KALRN: variants seen among roughly 807,000 people sequenced by gnomAD.
The protein encoded by KALRN is kalirin.
A neutral mutation model predicts 353.7 loss-of-function variants in KALRN; 70 were observed. That is an observed-to-expected ratio of 0.20 (90% confidence interval 0.16 to 0.24). KALRN has a LOEUF of 0.24. Ranked by LOEUF, KALRN falls within the 10% of genes least tolerant of loss-of-function variation. The pLI, the probability that KALRN is intolerant of heterozygous loss-of-function variation, is 1.00. For missense variants in KALRN, 2,791 were observed against 3,756.7 expected, an observed-to-expected ratio of 0.74 and a Z score of 6.72; for synonymous variants, 1,391 against 1,434.8, an observed-to-expected ratio of 0.97 and a Z score of 0.69.
chr3:124,389,951 G>T (rs1280102104), intron 11 of KALRN, among the ~76,000 whole-genome samples: 1 of 152,054 alleles, frequency 6.6e-6, no homozygotes, highest in Non-Finnish European at 1.5e-5. Flanking sequence ...ATAGAGAAAA[G>T]CTACTTAAAA....
At chr3:124,245,720 G>A (rs1218527601) in intron 3 of KALRN, among the ~76,000 whole-genome samples, 2 of 151,834 alleles carry the variant, frequency 1.3e-5, no homozygotes, top group Non-Finnish European at 2.9e-5. Flanking sequence ...TAAATGAGGT[G>A]AGATGATATC....
At chr3:124,651,184 G>T (rs2083376913) in intron 38 of KALRN, among the ~76,000 whole-genome samples, 1 of 152,226 alleles carries the variant, frequency 6.6e-6, no homozygotes, top group Admixed American at 6.5e-5. Flanking sequence ...GTGGTTGTAG[G>T]TCTGTTAGAA....
chr3:124,137,672 G>A lies in KALRN; in HGVS notation c.74-90318G>A, dbSNP rs116370447. 6.6e-3 allele frequency among the ~76,000 whole-genome samples: 999 copies of A among 152,184 alleles called. 8 individuals carry two copies. The highest frequency in any genetic ancestry group is 0.022 in the African/African-American group (932 of 41,512). On this transcript the variant is annotated intron_variant, in intron 1 of 59. Coordinates refer to ENST00000682506, the MANE Select transcript of KALRN (RefSeq NM_001388419.1). The stretch of plus-strand genomic sequence containing the variant: ...GAGTTTCTCCAAGGAGTCCTTACAC[G>A]CAAATTTTATGTTATTTTTACCCTT...
chr3:124,496,176 G>T (rs988560353), intron 32 of KALRN, 135 bp from the exon 33 acceptor site: 6 of 649,730 alleles, frequency 9.2e-6, no homozygotes, highest in Non-Finnish European at 1.4e-5. Flanking sequence ...TCTTTAGCAG[G>T]ATAATTTTAG....
intron 51 of KALRN, 162 bp downstream of exon 51, chr3:124,679,679 A>G: frequency 4.0e-6 from 3 of 746,138 alleles, no homozygotes; most frequent in Middle Eastern, 2.3e-4. Context: ...AAACAAAAAC[A>G]TAATTCAGTT....
chr3:124,439,782 G>C (rs2093613374), intron 18 of KALRN, among the ~76,000 whole-genome samples: 1 of 152,172 alleles, frequency 6.6e-6, no homozygotes, highest in Non-Finnish European at 1.5e-5. Flanking sequence ...CTGTCAGCTG[G>C]TGTGGGAAGT....
At chr3:124,068,802 G>A (rs2042592633) in intron 1 of KALRN, among the ~76,000 whole-genome samples, 1 of 152,212 alleles carries the variant, frequency 6.6e-6, no homozygotes, top group Non-Finnish European at 1.5e-5. Flanking sequence ...CATGGAGCTT[G>A]GAGGAGTTGT....
intron 15 of KALRN, among the ~76,000 whole-genome samples, chr3:124,423,959 G>A (rs1005819135): frequency 2.6e-5 from 4 of 152,216 alleles, no homozygotes; most frequent in Non-Finnish European, 4.4e-5. Flanking sequence ...AGGTGGGGGT[G>A]AAGAAGTAAA....
intron 49 of KALRN, chr3:124,677,698 A>T (rs189805268): frequency 4.6e-6 from 2 of 432,600 alleles, no homozygotes; most frequent in Non-Finnish European, 9.2e-6. Context: ...GCCCTGCCCA[A>T]ATACAAATCA....
chr3:124,559,509 C>T (rs147212561), intron 33 of KALRN, among the ~76,000 whole-genome samples: 11 of 152,266 alleles, frequency 7.2e-5, no homozygotes, highest in African/African-American at 1.4e-4. Flanking sequence ...GACAGGGACT[C>T]GCTGCTGGAG....
intron 1 of KALRN, among the ~76,000 whole-genome samples, chr3:124,057,790 C>G (rs2041682909): frequency 6.6e-6 from 1 of 152,158 alleles, no homozygotes; most frequent in Admixed American, 6.5e-5. Flanking sequence ...CTGTCCTTTC[C>G]ATCGGTGAGA....
rs574094502 is a variant in KALRN, at chr3:124,106,477, G to A, written c.73+72664G>A. ...AGAGGACCCATGACTGAAAAGTATA[G>A]CAGCAAGGGAGAGGAGCCTCACCTG... On this transcript the variant is annotated intron_variant, in intron 1 of 59. Coordinates refer to ENST00000682506, the MANE Select transcript of KALRN (RefSeq NM_001388419.1). Among the ~76,000 whole-genome samples, 5 of 152,202 alleles carry A rather than the reference G, an allele frequency of 3.3e-5. No homozygotes were observed. The East Asian group carries it at 9.7e-4, about 29-fold the overall frequency.
At chr3:124,217,242 A>G (rs1442487193) in intron 1 of KALRN, among the ~76,000 whole-genome samples, 3 of 152,224 alleles carry the variant, frequency 2.0e-5, no homozygotes, top group African/African-American at 7.2e-5. Context: ...ACTTTGCCTG[A>G]CACATATAGG....
chr3:124,471,324 G>C (rs1170326650), intron 25 of KALRN, among the ~76,000 whole-genome samples: 1 of 150,292 alleles, frequency 6.7e-6, no homozygotes, highest in Non-Finnish European at 1.5e-5. Flanking sequence ...CACTCGTGTT[G>C]CCCAGGCTAG....
intron 34 of KALRN, among the ~76,000 whole-genome samples, chr3:124,602,327 A>G (rs2076892697): frequency 6.6e-6 from 1 of 152,160 alleles, no homozygotes; most frequent in South Asian, 2.1e-4. Context: ...CCACTGAGTG[A>G]AATATTTCTC....
At chr3:124,410,810 C>T (rs1409223477) in intron 13 of KALRN, among the ~76,000 whole-genome samples, 1 of 152,170 alleles carries the variant, frequency 6.6e-6, no homozygotes, top group Admixed American at 6.5e-5. Flanking sequence ...TAAACATACA[C>T]CTACCCTATG....
At chr3:124,608,902 C>T (rs1357589733) in intron 34 of KALRN, among the ~76,000 whole-genome samples, 2 of 152,064 alleles carry the variant, frequency 1.3e-5, no homozygotes, top group African/African-American at 4.8e-5. Context: ...TTTGTGTGGC[C>T]CAGTGCTGCT....
chr3:124,342,305 C>G (rs1323137277), intron 9 of KALRN, among the ~76,000 whole-genome samples: 1 of 152,162 alleles, frequency 6.6e-6, no homozygotes, highest in Admixed American at 6.5e-5. Context: ...AATTTCTCAT[C>G]ACCCAGCCCC....
intron 1 of KALRN, among the ~76,000 whole-genome samples, chr3:124,089,181 A>G (rs1320869383): frequency 6.6e-6 from 1 of 152,188 alleles, no homozygotes; most frequent in Non-Finnish European, 1.5e-5. Context: ...TGAACTTCAC[A>G]TTCATTATTA....
Sources: gnomAD v4.1 joint callset for allele counts (sites outside exome capture counted in the v4.1 genomes callset) on GRCh38, gnomAD v4.1.1 for gene constraint, MANE v1.5 for transcripts, NCBI Gene and HGNC (gene_info 2026-07-23, HGNC 2026-07-21) for gene names.